RBM11: variants seen among roughly 807,000 people sequenced by gnomAD.
The protein encoded by RBM11 is RNA binding motif protein 11.
RBM11 carries 18 observed loss-of-function variants against 21.4 expected under a neutral mutation model. The ratio of observed to expected loss-of-function variants is 0.84; its 90% CI spans 0.58 to 1.25. The LOEUF is 1.25. RBM11 is among the 50% of genes most tolerant of loss of function. The probability of loss-of-function intolerance (pLI) is 0.00; values close to 1 mark genes in which losing one functional copy is unlikely to be tolerated. For missense variants in RBM11, 294 were observed against 331.9 expected (o/e 0.89, Z 0.89); for synonymous variants, 120 against 116.3 (o/e 1.03, Z -0.20).
At chr21:14,220,336 A>G (rs1165873487) in intron 2 of RBM11, among the ~76,000 whole-genome samples, 1 of 152,122 alleles carries the variant, frequency 6.6e-6, no homozygotes, top group African/African-American at 2.4e-5. Context: ...ATGTTATACC[A>G]TTACTCTAGC....
In RBM11 at chr21:14,217,895, T is replaced by C. The variant is rs545304505; in HGVS notation, c.96+1613T>C. Among the ~76,000 whole-genome samples the C allele has an allele frequency of 4.6e-5, 7 of 152,300 alleles. No homozygotes were observed. The East Asian group carries it at 1.3e-3, about 29-fold the overall frequency. ...TTAGTCAATCAGGACTCGATCAATATCAGTTGTGTGGATCCACAAGACTAT... is the reference window on the plus strand; with the variant it reads ...TTAGTCAATCAGGACTCGATCAATACCAGTTGTGTGGATCCACAAGACTAT... On this transcript the variant is annotated intron_variant, in intron 1 of 4. Coordinates refer to ENST00000400577, the MANE Select transcript of RBM11 (RefSeq NM_144770.5).
chr21:14,227,518 C>A lies in RBM11; in HGVS notation c.*225C>A. Reference sequence around the variant, plus strand: ...TGTATTTGTCATGATATTTTTGACCCATTGGCAACAAATAGACTATTGTCA... The same window carrying A: ...TGTATTTGTCATGATATTTTTGACCAATTGGCAACAAATAGACTATTGTCA... On this transcript the variant is annotated 3_prime_UTR_variant, in exon 5 of 5. Transcript: ENST00000400577. The A allele has an allele frequency of 1.9e-6, 1 of 515,156 alleles. No individual in the cohort carries two copies. Among genetic ancestry groups the A allele is most frequent in the Non-Finnish European group, 3.3e-6 (1 of 298,822 alleles). 31.9% of individuals were successfully genotyped at this position (515,156 alleles called of 1,614,324 possible).
In RBM11 at chr21:14,219,252, A is replaced by G. The variant is rs139073646; in HGVS notation, c.97-311A>G. ...GTGTATGGAGACAAAGTAGTATTTT[A>G]ATCTTAGATTTATATGTTTTCTAAA... On this transcript the variant is annotated intron_variant, in intron 1 of 4. Coordinates refer to ENST00000400577, the MANE Select transcript of RBM11 (RefSeq NM_144770.5). 3.0e-3 allele frequency among the ~76,000 whole-genome samples: 457 copies of G among 152,292 alleles called. 8 individuals carry two copies. The highest frequency in any genetic ancestry group is 4.3e-3 in the Non-Finnish European group (292 of 68,008).
rs939701454 is a variant in RBM11, at chr21:14,227,809, C to T, written c.*516C>T. On this transcript the variant is annotated 3_prime_UTR_variant, in exon 5 of 5. Transcript: ENST00000400577. ...GTACCTAAATATGTTGTTTCTGAGC[C>T]ATATTCTTCTTCAGGTTTATTTTAT... 3 of 152,832 alleles carry T rather than the reference C, an allele frequency of 2.0e-5. No individual in the cohort carries two copies. The highest frequency in any genetic ancestry group is 7.2e-5 in the African/African-American group (3 of 41,416). 9.5% of individuals were successfully genotyped at this position (152,832 alleles called of 1,614,324 possible). A position where few individuals can be genotyped will look rare whatever the true frequency, so the allele number is the denominator to read the frequency against.
Position 14,227,464 on chromosome 21 carries a change from T to C in RBM11, c.*171T>C, listed in dbSNP as rs1979204966. The C allele has an allele frequency of 1.5e-6, 1 of 689,420 alleles. No individual in the cohort carries two copies. The highest frequency in any genetic ancestry group is 1.8e-5 in the African/African-American group (1 of 55,160). The allele number at this position is 689,420 out of a possible 1,614,324, so 42.7% of individuals were successfully genotyped here. A position where few individuals can be genotyped will look rare whatever the true frequency, so the allele number is the denominator to read the frequency against. ...ATTTTTGCCTTGAACGACAAAAGCTTTCTAAAAATAGTATAATGTACCACT... is the reference window on the plus strand; with the variant it reads ...ATTTTTGCCTTGAACGACAAAAGCTCTCTAAAAATAGTATAATGTACCACT... On this transcript the variant is annotated 3_prime_UTR_variant, in exon 5 of 5. Transcript: ENST00000400577.
intron 2 of RBM11, among the ~76,000 whole-genome samples, chr21:14,219,969 G>T (rs1275986383): frequency 6.6e-6 from 1 of 152,102 alleles, no homozygotes. Context: ...TTTAGTATCA[G>T]CCAGCAAGTA....
chr21:14,226,812 T>C (rs1979128822), intron 4 of RBM11, 68 bp from the exon 5 acceptor site: 1 of 1,540,872 alleles, frequency 6.5e-7, no homozygotes, highest in African/African-American at 1.4e-5. Flanking sequence ...ATAATACATG[T>C]AAACTGTTAA....
At chr21:14,224,411 A>G in intron 3 of RBM11, 27 bp from the exon 4 acceptor site, 1 of 1,525,678 alleles carries the variant, frequency 6.6e-7, no homozygotes, top group African/African-American at 1.4e-5. Context: ...TTAAGATTTT[A>G]TTACTTCTTC....
In RBM11 at chr21:14,219,601, A is replaced by G. The variant is rs755405155; in HGVS notation, c.135A>G (p.Arg45=). 45 of 1,590,378 alleles carry G rather than the reference A, an allele frequency of 2.8e-5. No homozygotes were observed. The highest frequency in any genetic ancestry group is 3.6e-5 in the Non-Finnish European group (42 of 1,164,420). Residue 45 remains arginine, a synonymous_variant, in exon 2 of 5, where the codon AGA becomes AGG. Transcript: ENST00000400577. ...CCAAAGTGACTATATGCAAAGACAG[A>G]GAAGGAAAGCCAAAGTCTTTTGGAT... ...PLTKVTICKD[R]EGKPKSFGFV...
intron 4 of RBM11, 83 bp from the exon 5 acceptor site, chr21:14,226,797 A>G (rs2822443): frequency 0.18 from 271,213 of 1,508,426 alleles, 24,946 homozygotes; most frequent in African/African-American, 0.23. Flanking sequence ...ACTCATGGCT[A>G]TTGTATAATA....
rs199642854 is a variant in RBM11 at position 14,216,202 on chromosome 21, G to C, written c.16G>C (p.Glu6Gln). 77 of 1,613,716 alleles carry C rather than the reference G, an allele frequency of 4.8e-5. No individual in the cohort carries two copies. In the East Asian group the frequency reaches 1.6e-3, roughly 34 times the overall value. MFPAQ[E>Q]EADRTVFVGN... is the part of the protein sequence containing the mutation. ...AGACCGGAGGATGTTCCCTGCTCAG[G>C]AGGAGGCCGACAGGACCGTGTTTGT... is the stretch of plus-strand genomic sequence containing the variant. Residue 6 changes from glutamate (E) to glutamine (Q), a missense_variant, in exon 1 of 5, where the codon GAG becomes CAG. Around this residue, in one of 2 missense-constraint regions of RBM11, gnomAD observed 181 missense variants for 164.6 expected, o/e 1.10. Coordinates refer to ENST00000400577, the MANE Select transcript of RBM11 (RefSeq NM_144770.5).
At chr21:14,220,511 T>C (rs1051921404) in intron 2 of RBM11, among the ~76,000 whole-genome samples, 2 of 152,200 alleles carry the variant, frequency 1.3e-5, no homozygotes, top group African/African-American at 4.8e-5. Flanking sequence ...CAATGCTTTA[T>C]TGCAAAGCAA....
intron 1 of RBM11, 25 bp from the exon 2 acceptor site, chr21:14,219,538 A>C: frequency 1.4e-6 from 2 of 1,434,508 alleles, no homozygotes; most frequent in Non-Finnish European, 1.9e-6. Flanking sequence ...GATTTATGAG[A>C]AAATAATTTT....
chr21:14,224,356 GA>G, intron 3 of RBM11, 81 bp from the exon 4 acceptor site: 2 of 1,484,436 alleles, frequency 1.3e-6, no homozygotes, highest in Non-Finnish European at 1.8e-6. Context: ...CCTGAGGAAA[GA>G]TAGTGGTTTT....
chr21:14,219,006 C>T (rs1978434509), intron 1 of RBM11, among the ~76,000 whole-genome samples: 1 of 152,122 alleles, frequency 6.6e-6, no homozygotes, highest in South Asian at 2.1e-4. Flanking sequence ...ATGCAATATA[C>T]TTAAAAGTCT....
intron 3 of RBM11, 22 bp from the exon 4 acceptor site, chr21:14,224,416 T>C: frequency 1.3e-6 from 2 of 1,529,702 alleles, no homozygotes; most frequent in African/African-American, 2.8e-5. Flanking sequence ...ATTTTATTAC[T>C]TCTTCTTTCA....
intron 2 of RBM11, among the ~76,000 whole-genome samples, chr21:14,220,542 C>G (rs899194844): frequency 6.6e-6 from 1 of 152,098 alleles, no homozygotes; most frequent in Non-Finnish European, 1.5e-5. Context: ...CTTTGCATTT[C>G]TTTTTTTCTT....
intron 3 of RBM11, among the ~76,000 whole-genome samples, chr21:14,223,795 T>C (rs1978865389): frequency 6.6e-6 from 1 of 152,180 alleles, no homozygotes; most frequent in Non-Finnish European, 1.5e-5. Flanking sequence ...ATTATTGGAT[T>C]AATTGGTTAT....
chr21:14,222,029 A>G (rs1978706653), intron 3 of RBM11, among the ~76,000 whole-genome samples: 1 of 152,134 alleles, frequency 6.6e-6, no homozygotes, highest in African/African-American at 2.4e-5. Flanking sequence ...ACTGAAAACA[A>G]ATATGAATAA....
Sources: allele counts gnomAD v4.1 joint callset (sites outside exome capture counted in the v4.1 genomes callset), GRCh38; gene constraint gnomAD v4.1.1; regional missense constraint gnomAD v4.1.1; transcripts MANE v1.5; gene names NCBI Gene and HGNC (gene_info 2026-07-23, HGNC 2026-07-21).